The following EVL variants were observed in gnomAD, a reference collection of about 807,000 sequenced individuals.
EVL encodes the protein ena/VASP-like protein.
EVL carries 21 observed loss-of-function variants against 59.6 expected under a neutral mutation model. The ratio of observed to expected loss-of-function variants is 0.35; its 90% confidence interval spans 0.25 to 0.51. EVL has a LOEUF of 0.51. EVL is among the 20% of genes least tolerant of loss of function. EVL has a pLI of 0.97. For synonymous variants in EVL, 198 were observed against 203.5 expected, an observed-to-expected ratio of 0.97 and a Z score of 0.23; for missense variants, 462 against 546.6, an observed-to-expected ratio of 0.85 and a Z score of 1.54.
At chr14:100,029,605 G>A (rs915945947) in intron 1 of EVL, among the ~76,000 whole-genome samples, 12 of 152,134 alleles carry the variant, frequency 7.9e-5, no homozygotes, top group Admixed American at 3.3e-4. Context: ...TGCTGTGGCC[G>A]GGAGGTGGAC....
At chr14:100,137,707 G>A (rs377635718) in intron 10 of EVL, 33 bp from the exon 11 acceptor site, 93 of 1,613,970 alleles carry the variant, frequency 5.8e-5, no homozygotes, top group Non-Finnish European at 7.2e-5. Flanking sequence ...CGCTGGCGCC[G>A]ATTCACATGT....
intron 7 of EVL, among the ~76,000 whole-genome samples, chr14:100,131,841 C>CTGGGCTGAGGGACGAGG (rs1888455081): frequency 6.6e-6 from 1 of 152,180 alleles, no homozygotes; most frequent in Admixed American, 6.5e-5. Context: ...TCCCTGGTTT[C>CTGGGCTGAGGGACGAGG]TGGGCTGAGG....
rs1413110463 is a variant in EVL, at chr14:99,972,400, C to G, written c.5+343C>G. Among the ~76,000 whole-genome samples, 1 of 152,052 alleles carries G rather than the reference C, an allele frequency of 6.6e-6. No individual in the cohort carries two copies. Among genetic ancestry groups the G allele is most frequent in the Non-Finnish European group, 1.5e-5 (1 of 67,998 alleles). On this transcript the variant is annotated intron_variant, in intron 1 of 13. Coordinates refer to the EVL transcript ENST00000402714. This position sits in a 1 kb window ranked among gnomAD's most constrained non-coding sequence, Gnocchi z 4.4. ...GCAGACCCCCGCGGGCAGGTGTGGC[C>G]GTGTCCCGACCGCGCGAGGACCGAA...
chr14:100,109,561 G>C lies in EVL; in HGVS notation c.358+11903G>C, dbSNP rs912181351. The C allele has an allele frequency of 2.1e-6, 1 of 475,392 alleles. No homozygotes were observed. The highest frequency in any genetic ancestry group is 2.3e-5 in the Admixed American group (1 of 42,798). 29.4% of individuals were successfully genotyped at this position (475,392 alleles called of 1,614,324 possible). On this transcript the variant is annotated intron_variant, in intron 3 of 13. Transcript: ENST00000392920. This position sits in a 1 kb window ranked among gnomAD's most constrained non-coding sequence, Gnocchi z 4.3. ...CCAGCTTGCGCCCATGTCATATTGTGTGCCTCTCATAGCCTGGCACTTCCT... is the reference window on the plus strand; with the variant it reads ...CCAGCTTGCGCCCATGTCATATTGTCTGCCTCTCATAGCCTGGCACTTCCT...
At chr14:100,123,413 TAA>T in intron 3 of EVL, 124 bp from the exon 4 acceptor site, 1 of 893,176 alleles carries the variant, frequency 1.1e-6, no homozygotes, top group Admixed American at 2.2e-5. Flanking sequence ...GGCCAACATT[TAA>T]AAAGATTCTT....
At chr14:100,007,028 T>C (rs2060986994) in intron 1 of EVL, among the ~76,000 whole-genome samples, 1 of 152,052 alleles carries the variant, frequency 6.6e-6, no homozygotes, top group Admixed American at 6.5e-5. Context: ...GTTACCAGAA[T>C]GTGAACCCCG....
chr14:100,039,642 AAATTTCT>A (rs1426636605), intron 1 of EVL, among the ~76,000 whole-genome samples: 1 of 152,120 alleles, frequency 6.6e-6, no homozygotes, highest in African/African-American at 2.4e-5. Context: ...CACATTTAAG[AAATTTCT>A]AAATAAACAA....
chr14:100,089,018 G>A (rs1030966322), intron 2 of EVL, among the ~76,000 whole-genome samples: 1 of 152,180 alleles, frequency 6.6e-6, no homozygotes, highest in African/African-American at 2.4e-5. Context: ...AGACAAAGCA[G>A]ACTTTAAGGC....
In EVL at chr14:100,114,248, C is replaced by G. The variant is rs543248260; in HGVS notation, c.359-9291C>G. 1.3e-5 allele frequency among the ~76,000 whole-genome samples: 2 copies of G among 152,066 alleles called. No individual in the cohort carries two copies. The highest frequency in any genetic ancestry group is 3.9e-4 in the East Asian group (2 of 5,148). On this transcript the variant is annotated intron_variant, in intron 3 of 13. Transcript: ENST00000392920. The surrounding 1 kb of genome is among the most constrained non-coding windows in gnomAD (Gnocchi z 5.0). ...CCCATACCAAAGTTTGGGGTGGTGC[C>G]AAATTTAGGCATGCCTCACAGGCAT...
intron 1 of EVL, among the ~76,000 whole-genome samples, chr14:99,994,482 C>A (rs1176867314): frequency 6.6e-6 from 1 of 152,006 alleles, no homozygotes; most frequent in Non-Finnish European, 1.5e-5. Flanking sequence ...CATAAAACAT[C>A]TTAAAGTTAT....
intron 8 of EVL, chr14:100,134,507 CT>C (rs957683827): frequency 3.1e-4 from 47 of 152,224 alleles, no homozygotes; most frequent in Admixed American, 2.3e-3. Flanking sequence ...GCCATGGTCC[CT>C]TCTCATACCC....
intron 2 of EVL, chr14:100,085,085 C>G: frequency 2.3e-6 from 1 of 440,476 alleles, no homozygotes; most frequent in Non-Finnish European, 4.0e-6. Flanking sequence ...AGACAGTAAT[C>G]CGCACCCTGC....
chr14:100,128,783 C>T lies in EVL; in HGVS notation c.717+35C>T, dbSNP rs201901077. The T allele has an allele frequency of 2.7e-4, 426 of 1,561,442 alleles. 1 individual carries two copies. Among genetic ancestry groups the T allele is most frequent in the Middle Eastern group, 3.3e-4 (2 of 6,018 alleles). ...CCTGTGTGCGGGGTGGGAATGGGAC[C>T]GAGGGGACCCTTGTGCCATCTGCAG... On this transcript the variant is annotated intron_variant, in intron 6 of 13. Coordinates refer to ENST00000392920, the MANE Select transcript of EVL (RefSeq NM_016337.3).
At chr14:100,061,530 A>G (rs775696223), upstream of EVL, among the ~76,000 whole-genome samples, 28 of 151,506 alleles carry the variant, frequency 1.8e-4, no homozygotes, top group Non-Finnish European at 3.5e-4. Flanking sequence ...TTACCAGAAA[A>G]GAGAAATATA....
chr14:100,100,247 C>T (rs756101672), intron 3 of EVL, among the ~76,000 whole-genome samples: 1 of 152,026 alleles, frequency 6.6e-6, no homozygotes, highest in Non-Finnish European at 1.5e-5. Flanking sequence ...GGGCGGGAGA[C>T]ATCAGCTAGT....
chr14:100,037,615 T>C (rs1201567387), intron 1 of EVL, among the ~76,000 whole-genome samples: 1 of 152,212 alleles, frequency 6.6e-6, no homozygotes, highest in East Asian at 1.9e-4. Context: ...GTTTGCTAAA[T>C]GTACAAATAA....
At chr14:100,138,073 T>C in intron 11 of EVL, 1 of 568,076 alleles carries the variant, frequency 1.8e-6, no homozygotes, top group Middle Eastern at 4.7e-4. Context: ...GTCCCAGCTC[T>C]GGACTCACTA....
At chr14:100,051,953 C>T (rs1452078334) in intron 1 of EVL, among the ~76,000 whole-genome samples, 1 of 152,188 alleles carries the variant, frequency 6.6e-6, no homozygotes, top group Non-Finnish European at 1.5e-5. Context: ...CCTTACCTTA[C>T]CTCAGGACAT....
At chr14:100,125,169 TACACACACACAC>T (rs34405834) in intron 4 of EVL, among the ~76,000 whole-genome samples, 1 of 103,118 alleles carries the variant, frequency 9.7e-6, no homozygotes, top group East Asian at 2.8e-4. Context: ...AAGGCAGGAA[TACACACACACAC>T]ACACACACAC....
Sources: gnomAD v4.1 joint callset for allele counts (sites outside exome capture counted in the v4.1 genomes callset) on GRCh38, gnomAD v4.1.1 for gene constraint, Gnocchi (gnomAD v3.1) non-coding constraint, MANE v1.5 for transcripts, NCBI Gene and HGNC (gene_info 2026-07-23, HGNC 2026-07-21) for gene names.